RBM20: variants seen among roughly 807,000 people sequenced by gnomAD.
RBM20 encodes RNA binding motif protein 20.
Under a neutral mutation model 110.1 loss-of-function variants are expected in RBM20, and 51 were observed. That is an observed-to-expected ratio of 0.46 (90% confidence interval 0.37 to 0.59). The LOEUF is 0.59. RBM20 is among the 20% of genes least tolerant of loss of function. RBM20 has a pLI of 0.00. For synonymous variants in RBM20, 589 were observed against 618.2 expected (o/e 0.95, Z 0.70); for missense variants, 1,512 against 1,574.9 (o/e 0.96, Z 0.68).
chr10:110,690,409 A>G (rs933353513), intron 1 of RBM20, among the ~76,000 whole-genome samples: 1 of 152,134 alleles, frequency 6.6e-6, no homozygotes, highest in African/African-American at 2.4e-5. Flanking sequence ...CTGTCTCAAA[A>G]AAAAACAAAA....
At chr10:110,785,673 A>G (rs1483417089) in intron 5 of RBM20, among the ~76,000 whole-genome samples, 1 of 152,158 alleles carries the variant, frequency 6.6e-6, no homozygotes, top group Non-Finnish European at 1.5e-5. Flanking sequence ...TCATTCAGAA[A>G]AACAACCCCA....
chr10:110,656,514 A>G (rs924250877), intron 1 of RBM20, among the ~76,000 whole-genome samples: 1 of 151,942 alleles, frequency 6.6e-6, no homozygotes, highest in African/African-American at 2.4e-5. Context: ...AAAGTGCATA[A>G]TTTAGTGACA....
At chr10:110,704,220 A>T (rs1427985708) in intron 1 of RBM20, among the ~76,000 whole-genome samples, 1 of 152,224 alleles carries the variant, frequency 6.6e-6, no homozygotes, top group African/African-American at 2.4e-5. Context: ...GAGTGTATCA[A>T]TGGTGCATTA....
At chr10:110,813,915 G>A (rs578032691) in intron 9 of RBM20, among the ~76,000 whole-genome samples, 1 of 150,070 alleles carries the variant, frequency 6.7e-6, no homozygotes, top group East Asian at 1.9e-4. Context: ...GCTTGCAGCA[G>A]TACTTCAGTT....
chr10:110,730,026 T>C (rs568987554), intron 1 of RBM20, among the ~76,000 whole-genome samples: 23 of 152,070 alleles, frequency 1.5e-4, no homozygotes, highest in Non-Finnish European at 3.1e-4. Flanking sequence ...CCATGTTGGT[T>C]AGGCTGGTCT....
Position 110,726,903 on chromosome 10 carries a change from A to G in RBM20, c.192-53898A>G, listed in dbSNP as rs189223509. On this transcript the variant is annotated intron_variant, in intron 1 of 13. Transcript: ENST00000369519. The stretch of plus-strand genomic sequence containing the variant: ...CTCTTATCGCCCAGGCTGGAGTGCA[A>G]TGGTGCAACCTTGGCTCACTGCAAC... Among the ~76,000 whole-genome samples the G allele has an allele frequency of 2.9e-3, 439 of 152,252 alleles. 6 individuals are homozygous for G. Among genetic ancestry groups the G allele is most frequent in the African/African-American group, 9.7e-3 (402 of 41,546 alleles).
chr10:110,760,689 C>T (rs1375398127), intron 1 of RBM20, among the ~76,000 whole-genome samples: 3 of 150,400 alleles, frequency 2.0e-5, no homozygotes, highest in Non-Finnish European at 3.0e-5. Flanking sequence ...GATCTGCCTG[C>T]CTTGACCTCC....
At chr10:110,789,186 C>T (rs1399671226) in intron 5 of RBM20, among the ~76,000 whole-genome samples, 1 of 152,226 alleles carries the variant, frequency 6.6e-6, no homozygotes, top group Non-Finnish European at 1.5e-5. Context: ...CAGTTACTGC[C>T]TCTAAAGCTC....
chr10:110,793,374 C>G (rs1354797771), intron 5 of RBM20, among the ~76,000 whole-genome samples: 3 of 152,254 alleles, frequency 2.0e-5, no homozygotes, highest in Non-Finnish European at 4.4e-5. Flanking sequence ...TAATGAGTAA[C>G]TAACTGGTGA....
intron 1 of RBM20, among the ~76,000 whole-genome samples, chr10:110,768,018 A>G (rs1844130617): frequency 6.6e-6 from 1 of 152,244 alleles, no homozygotes; most frequent in African/African-American, 2.4e-5. Flanking sequence ...ACTCGCGGTT[A>G]GGAGCTGGAG....
chr10:110,673,871 C>T (rs1446971684), intron 1 of RBM20, among the ~76,000 whole-genome samples: 1 of 152,192 alleles, frequency 6.6e-6, no homozygotes, highest in Non-Finnish European at 1.5e-5. Context: ...GCTTGAGTCA[C>T]ATAAAAATGG....
intron 1 of RBM20, among the ~76,000 whole-genome samples, chr10:110,743,826 G>C (rs1043035095): frequency 1.2e-4 from 18 of 152,302 alleles, no homozygotes; most frequent in African/African-American, 4.3e-4. Flanking sequence ...ATGTTAGCCA[G>C]GCTGGTCTTG....
At chr10:110,660,275 A>G (rs761423258) in intron 1 of RBM20, among the ~76,000 whole-genome samples, 2 of 152,232 alleles carry the variant, frequency 1.3e-5, no homozygotes, top group African/African-American at 2.4e-5. Context: ...TGCCTGGAAA[A>G]TAAGTGATTG....
intron 9 of RBM20, among the ~76,000 whole-genome samples, chr10:110,818,739 T>C (rs1844873663): frequency 6.6e-6 from 1 of 150,926 alleles, no homozygotes; most frequent in Non-Finnish European, 1.5e-5. Context: ...GATCTGGGAG[T>C]GTGGCTGCAG....
At chr10:110,688,457 C>T (rs1160334315) in intron 1 of RBM20, among the ~76,000 whole-genome samples, 1 of 152,066 alleles carries the variant, frequency 6.6e-6, no homozygotes, top group Non-Finnish European at 1.5e-5. Flanking sequence ...CAAATTTGGC[C>T]CTAAGGATTT....
At chr10:110,814,294 A>G (rs1483930476) in intron 9 of RBM20, among the ~76,000 whole-genome samples, 1 of 152,234 alleles carries the variant, frequency 6.6e-6, no homozygotes, top group African/African-American at 2.4e-5. Context: ...ATGTTACAGC[A>G]GAGACTGAAG....
chr10:110,727,666 G>A (rs1206885958), intron 1 of RBM20, among the ~76,000 whole-genome samples: 1 of 152,036 alleles, frequency 6.6e-6, no homozygotes, highest in African/African-American at 2.4e-5. Context: ...TAGGTTCTGG[G>A]ATACATGTGC....
chr10:110,802,453 C>T (rs772421329), intron 7 of RBM20, among the ~76,000 whole-genome samples: 47 of 147,266 alleles, frequency 3.2e-4, no homozygotes, highest in Non-Finnish European at 5.1e-4. Context: ...CCACCCCATT[C>T]TATATCCAAC....
intron 1 of RBM20, among the ~76,000 whole-genome samples, chr10:110,774,359 G>A (rs1410221285): frequency 6.6e-6 from 1 of 152,216 alleles, no homozygotes; most frequent in East Asian, 1.9e-4. Flanking sequence ...CCCAAACACA[G>A]AATAGCAGCA....
Sources: gnomAD v4.1 joint callset for allele counts (sites outside exome capture counted in the v4.1 genomes callset) on GRCh38, gnomAD v4.1.1 for gene constraint, MANE v1.5 for transcripts, NCBI Gene and HGNC (gene_info 2026-07-23, HGNC 2026-07-21) for gene names.